CHRM3: variants seen among roughly 807,000 people sequenced by gnomAD.
CHRM3 encodes the protein muscarinic acetylcholine receptor M3.
In CHRM3, 11 loss-of-function variants were observed where a neutral mutation model predicts 41.8. The ratio of observed to expected loss-of-function variants is 0.26; its 90% confidence interval spans 0.17 to 0.44. CHRM3 has a LOEUF of 0.44. Among genes scored for constraint, CHRM3 ranks in the 20% least tolerant of loss-of-function variants. The pLI is 1.00. For synonymous variants in CHRM3, 297 were observed against 301.4 expected (o/e 0.99, Z 0.15); for missense variants, 571 against 745.4 (o/e 0.77, Z 2.72).
chr1:239,468,063 C>A (rs1217640492), intron 1 of CHRM3, among the ~76,000 whole-genome samples: 1 of 152,130 alleles, frequency 6.6e-6, no homozygotes, highest in Admixed American at 6.6e-5. Context: ...AAAACTTAGT[C>A]TTAGTAATGG....
At chr1:239,898,446 G>A (rs1398030146) in intron 6 of CHRM3, 1 of 152,206 alleles carries the variant, frequency 6.6e-6, no homozygotes, top group Non-Finnish European at 1.5e-5. Context: ...AAGGCAGTCA[G>A]AGACCCAAAA....
chr1:239,909,330 T>A lies in CHRM3; in HGVS notation c.*106T>A. On this transcript the variant is annotated 3_prime_UTR_variant, in exon 7 of 7. Coordinates refer to ENST00000676153, the MANE Select transcript of CHRM3 (RefSeq NM_001375978.1). Reference sequence around the variant, plus strand: ...ACTTCTGGTGATGATAAAAATGGTTTTATCACCCAGATGTGAAAGAAGCTG... The same window carrying A: ...ACTTCTGGTGATGATAAAAATGGTTATATCACCCAGATGTGAAAGAAGCTG... 8.4e-7 allele frequency: 1 copy of A among 1,193,860 alleles called. No individual in the cohort carries two copies. The highest frequency in any genetic ancestry group is 1.6e-5 in the South Asian group (1 of 63,558). The allele number at this position is 1,193,860 out of a possible 1,614,324, so 74.0% of individuals were successfully genotyped here.
chr1:239,767,437 T>C (rs910729592), intron 5 of CHRM3, among the ~76,000 whole-genome samples: 6 of 152,174 alleles, frequency 3.9e-5, no homozygotes, highest in Non-Finnish European at 7.3e-5. Flanking sequence ...TCTGTAAGTA[T>C]AGATTTCCTA....
intron 5 of CHRM3, among the ~76,000 whole-genome samples, chr1:239,720,588 A>C (rs1662866952): frequency 6.6e-6 from 1 of 151,960 alleles, no homozygotes; most frequent in Admixed American, 6.6e-5. Flanking sequence ...TCAAATGCTT[A>C]ATCCTAAGCC....
At chr1:239,870,528 G>A (rs943176980) in intron 6 of CHRM3, among the ~76,000 whole-genome samples, 1 of 152,202 alleles carries the variant, frequency 6.6e-6, no homozygotes, top group African/African-American at 2.4e-5. Context: ...AGGTGGCTCA[G>A]TCTCACAGGT....
At chr1:239,871,899 A>G (rs1357071080) in intron 6 of CHRM3, among the ~76,000 whole-genome samples, 5 of 152,214 alleles carry the variant, frequency 3.3e-5, no homozygotes, top group Non-Finnish European at 7.3e-5. Flanking sequence ...TCAAGAATGA[A>G]AAAAGTTCTT....
intron 2 of CHRM3, among the ~76,000 whole-genome samples, chr1:239,510,077 C>G (rs547346568): frequency 6.6e-6 from 1 of 152,186 alleles, no homozygotes; most frequent in South Asian, 2.1e-4. Context: ...CAGCATAAGA[C>G]TCCGTCACAA....
chr1:239,914,232 T>C lies in CHRM3; in HGVS notation c.*5008T>C, dbSNP rs1156464010. The stretch of plus-strand genomic sequence containing the variant: ...ACTCAAAACTCTTTTTATCCTGTAT[T>C]CTGTGAGTTCCTTGATGATAGTAAT... On this transcript the variant is annotated 3_prime_UTR_variant, in exon 7 of 7. Coordinates refer to ENST00000676153, the MANE Select transcript of CHRM3 (RefSeq NM_001375978.1). 6.0e-6 allele frequency: 1 copy of C among 167,120 alleles called. No homozygotes were observed. Among genetic ancestry groups the C allele is most frequent in the Non-Finnish European group, 1.5e-5 (1 of 68,126 alleles). The allele number at this position is 167,120 out of a possible 1,614,324, so 10.4% of individuals were successfully genotyped here.
At chr1:239,620,902 G>A (rs1668288494) in intron 3 of CHRM3, among the ~76,000 whole-genome samples, 1 of 152,110 alleles carries the variant, frequency 6.6e-6, no homozygotes, top group Non-Finnish European at 1.5e-5. Context: ...TAGGATAATA[G>A]TAAAAGAAAT....
At position 239,567,495 on chromosome 1, in the gene CHRM3, G is replaced by A. The variant is rs568892932; in HGVS notation, c.-313+21746G>A. On this transcript the variant is annotated intron_variant, in intron 3 of 6. Coordinates refer to ENST00000676153, the MANE Select transcript of CHRM3 (RefSeq NM_001375978.1). ...AATACAACAATACGGTAGATATGCA[G>A]GGTAAAAAAACACATTTATTTTGAC... is the stretch of plus-strand genomic sequence containing the variant. Among the ~76,000 whole-genome samples, 4 of 152,212 alleles carry A rather than the reference G, an allele frequency of 2.6e-5. No homozygotes were observed. The East Asian group carries it at 5.8e-4, about 22-fold the overall frequency.
Position 239,468,153 on chromosome 1 carries a change from G to T in CHRM3, c.-520-24556G>T, listed in dbSNP as rs568495040. Among the ~76,000 whole-genome samples the T allele has an allele frequency of 4.6e-5, 7 of 152,156 alleles. No individual in the cohort carries two copies. In the South Asian group the frequency reaches 1.2e-3, roughly 27 times the overall value. On this transcript the variant is annotated intron_variant, in intron 1 of 6. Coordinates refer to ENST00000676153, the MANE Select transcript of CHRM3 (RefSeq NM_001375978.1). ...TCTGACTCACTGCTGTTGTCCCAGG[G>T]TTCAAAACATCCATTTTGGGTCAGT...
chr1:239,710,123 G>A (rs1661616629), intron 5 of CHRM3, among the ~76,000 whole-genome samples: 1 of 152,028 alleles, frequency 6.6e-6, no homozygotes, highest in South Asian at 2.1e-4. Flanking sequence ...CAAACATTGT[G>A]AATCAAACAA....
intron 2 of CHRM3, among the ~76,000 whole-genome samples, chr1:239,503,698 G>A (rs757289224): frequency 1.1e-4 from 16 of 152,218 alleles, no homozygotes; most frequent in African/African-American, 2.9e-4. Context: ...AAACAGCATC[G>A]TACTGGTATA....
At chr1:239,672,969 A>C (rs1204677487) in intron 4 of CHRM3, among the ~76,000 whole-genome samples, 1 of 152,028 alleles carries the variant, frequency 6.6e-6, no homozygotes, top group Non-Finnish European at 1.5e-5. Context: ...AAGACTAGAG[A>C]GATGTGATTA....
At position 239,716,399 on chromosome 1, in the gene CHRM3, A is replaced by AAG. The variant is rs912919764; in HGVS notation, c.-147+38113_-147+38114dup. 3.9e-4 allele frequency among the ~76,000 whole-genome samples: 60 copies of AAG among 152,202 alleles called. 1 individual carries two copies. In the Middle Eastern group the frequency reaches 0.01, roughly 26 times the overall value. On this transcript the variant is annotated intron_variant, in intron 5 of 6. Coordinates refer to ENST00000676153, the MANE Select transcript of CHRM3 (RefSeq NM_001375978.1). ...GGCTGAAGCAGAGTGGAGGTTCAAA[A>AAG]AGACTATTGTAGTGAATAATAGGGA...
chr1:239,679,027 G>GATAGATAGATAGATA (rs1553362061), intron 5 of CHRM3, among the ~76,000 whole-genome samples: 1 of 148,666 alleles, frequency 6.7e-6, no homozygotes, highest in South Asian at 2.2e-4. Context: ...GTAGATAGAT[G>GATAGATAGATAGATA]GATAGATAGA....
chr1:239,675,375 A>C (rs898101389), intron 4 of CHRM3, among the ~76,000 whole-genome samples: 2 of 152,162 alleles, frequency 1.3e-5, no homozygotes, highest in South Asian at 4.1e-4. Context: ...ACTTCAGTTT[A>C]ATCTTCTATT....
chr1:239,688,957 T>C (rs902922386), intron 5 of CHRM3, among the ~76,000 whole-genome samples: 3 of 148,946 alleles, frequency 2.0e-5, no homozygotes, highest in African/African-American at 7.4e-5. Context: ...TGCCCTGCAA[T>C]CTTATTTATT....
intron 5 of CHRM3, chr1:239,706,205 A>T (rs1475011465): frequency 1.3e-5 from 2 of 150,204 alleles, no homozygotes; most frequent in East Asian, 3.9e-4. Flanking sequence ...ATAAACATAC[A>T]TTATTAATAT....
Sources: gnomAD v4.1 joint callset for allele counts (sites outside exome capture counted in the v4.1 genomes callset) on GRCh38, gnomAD v4.1.1 for gene constraint, MANE v1.5 for transcripts, NCBI Gene and HGNC (gene_info 2026-07-23, HGNC 2026-07-21) for gene names.